Variants in MCHR2 observed in about 807,000 individuals in gnomAD.
MCHR2 encodes melanin-concentrating hormone receptor 2.
In MCHR2, 15 loss-of-function variants were observed where a neutral mutation model predicts 24.8. The observed-to-expected ratio is 0.60, with a 90% CI of 0.40 to 0.93. The LOEUF (loss-of-function observed/expected upper bound fraction) is 0.93, where lower values mean the gene tolerates loss of function less well. Ranked by LOEUF, MCHR2 falls within the 40% of genes least tolerant of loss-of-function variation. MCHR2 has a pLI of 0.00. For synonymous variants in MCHR2, 151 were observed against 147.6 expected (o/e 1.02, Z -0.17); for missense variants, 386 against 408.7 (o/e 0.94, Z 0.48).
chr6:99,964,649 C>T (rs2114556184), intron 1 of MCHR2, among the ~76,000 whole-genome samples: 1 of 152,182 alleles, frequency 6.6e-6, no homozygotes, highest in South Asian at 2.1e-4. Flanking sequence ...TTACTTCCAC[C>T]CTTGTTCTGG....
At chr6:99,926,453 A>C (rs1338667263) in intron 5 of MCHR2, among the ~76,000 whole-genome samples, 2 of 147,172 alleles carry the variant, frequency 1.4e-5, no homozygotes, top group East Asian at 3.9e-4. Context: ...TCCCACCAAC[A>C]GTGTAAAAGT....
At chr6:99,955,350 G>A (rs977779208) in intron 2 of MCHR2, among the ~76,000 whole-genome samples, 4 of 152,110 alleles carry the variant, frequency 2.6e-5, no homozygotes, top group Non-Finnish European at 5.9e-5. Context: ...AATTAGGTGG[G>A]AGATGTGGTG....
At chr6:99,991,003 G>T (rs11155193) in intron 1 of MCHR2, among the ~76,000 whole-genome samples, 1 of 150,294 alleles carries the variant, frequency 6.7e-6, no homozygotes, top group Admixed American at 6.7e-5. Flanking sequence ...AATAATGTTG[G>T]GATGGGACAG....
At chr6:99,987,594 C>A (rs529137014) in intron 1 of MCHR2, among the ~76,000 whole-genome samples, 1 of 152,224 alleles carries the variant, frequency 6.6e-6, no homozygotes, top group African/African-American at 2.4e-5. Flanking sequence ...ACACAACATT[C>A]CATGCTTTTT....
chr6:99,982,081 C>T (rs1253497959), intron 1 of MCHR2, among the ~76,000 whole-genome samples: 1 of 152,158 alleles, frequency 6.6e-6, no homozygotes, highest in Admixed American at 6.5e-5. Flanking sequence ...AAACCCCCCG[C>T]TCCCTACCTG....
chr6:99,984,919 T>C (rs942002208), intron 1 of MCHR2, among the ~76,000 whole-genome samples: 21 of 152,086 alleles, frequency 1.4e-4, no homozygotes, highest in Non-Finnish European at 2.1e-4. Flanking sequence ...ATCGTATGCC[T>C]AGAGAACCCT....
At chr6:99,936,113 G>A (rs1774655110) in intron 4 of MCHR2, among the ~76,000 whole-genome samples, 1 of 151,876 alleles carries the variant, frequency 6.6e-6, no homozygotes, top group Non-Finnish European at 1.5e-5. Flanking sequence ...CTTGTCAGAT[G>A]GATGGTTTGC....
chr6:99,987,895 A>T (rs1049117890), intron 1 of MCHR2, among the ~76,000 whole-genome samples: 3 of 152,218 alleles, frequency 2.0e-5, no homozygotes, highest in Non-Finnish European at 4.4e-5. Flanking sequence ...AAGAAAAGAA[A>T]AGGAAACAAG....
At chr6:99,964,417 A>G (rs1162913808) in intron 1 of MCHR2, among the ~76,000 whole-genome samples, 1 of 152,138 alleles carries the variant, frequency 6.6e-6, no homozygotes, top group African/African-American at 2.4e-5. Flanking sequence ...TTTATAAAGG[A>G]AAGAGGTTTA....
At chr6:99,953,061 T>C (rs1030248020) in intron 2 of MCHR2, among the ~76,000 whole-genome samples, 6 of 152,136 alleles carry the variant, frequency 3.9e-5, no homozygotes, top group African/African-American at 1.2e-4. Context: ...AAGTTACAGC[T>C]CAGAATTGAC....
At chr6:99,972,305 G>C (rs1036138584) in intron 1 of MCHR2, among the ~76,000 whole-genome samples, 378 of 152,144 alleles carry the variant, frequency 2.5e-3, no homozygotes, top group African/African-American at 8.2e-3. Context: ...TGTATGTGTC[G>C]AGGAATTTAT....
chr6:99,975,662 C>T (rs1278572202), intron 1 of MCHR2, among the ~76,000 whole-genome samples: 6 of 152,246 alleles, frequency 3.9e-5, no homozygotes, highest in African/African-American at 1.2e-4. Flanking sequence ...TCTTCTGCGT[C>T]GCTCACGCTG....
chr6:99,928,173 C>G (rs555551854), intron 5 of MCHR2, among the ~76,000 whole-genome samples: 1 of 152,160 alleles, frequency 6.6e-6, no homozygotes, highest in Non-Finnish European at 1.5e-5. Flanking sequence ...AGCCTTGCAT[C>G]CCAGGGATGA....
intron 5 of MCHR2, among the ~76,000 whole-genome samples, chr6:99,925,836 A>C (rs1774343414): frequency 6.8e-6 from 1 of 147,052 alleles, no homozygotes; most frequent in East Asian, 2.0e-4. Flanking sequence ...TTTATTTTTT[A>C]TTTTATTATT....
intron 1 of MCHR2, among the ~76,000 whole-genome samples, chr6:99,958,154 C>T (rs888548231): frequency 6.6e-6 from 1 of 151,894 alleles, no homozygotes; most frequent in Non-Finnish European, 1.5e-5. Flanking sequence ...GTCAAGGAAA[C>T]ATTAAAGAGA....
At chr6:99,980,871 C>T (rs1001197423) in intron 1 of MCHR2, among the ~76,000 whole-genome samples, 4 of 152,098 alleles carry the variant, frequency 2.6e-5, no homozygotes, top group Admixed American at 2.0e-4. Flanking sequence ...AAAGATATAT[C>T]CATTCAGACA....
intron 1 of MCHR2, among the ~76,000 whole-genome samples, chr6:99,965,938 G>A (rs910311842): frequency 6.6e-6 from 1 of 152,082 alleles, no homozygotes; most frequent in Admixed American, 6.6e-5. Context: ...TAAGATTTGG[G>A]AGTATAATCA....
rs1203470920 is a variant in MCHR2, at chr6:99,919,504, T to A, written c.*1436A>T. Among the ~76,000 whole-genome samples the A allele has an allele frequency of 6.6e-6, 1 of 152,152 alleles. No individual in the cohort carries two copies. The highest frequency in any genetic ancestry group is 1.9e-4 in the East Asian group (1 of 5,188). ...ATTTAATGTATTTAGATGAAGAAGG[T>A]GGGTTTACAGACTTTATCCACAAGC... On this transcript the variant is annotated 3_prime_UTR_variant, in exon 6 of 6. Transcript: ENST00000281806.
chr6:99,940,213 G>A lies in MCHR2; in HGVS notation c.587+2736C>T, dbSNP rs563222724. Reference sequence around the variant, plus strand: ...CTTGCTCAACTCCCTCTTGAACACCGATAAGTCTTAGATTTGGTCTTTTGA... The same window carrying A: ...CTTGCTCAACTCCCTCTTGAACACCAATAAGTCTTAGATTTGGTCTTTTGA... On this transcript the variant is annotated intron_variant, in intron 4 of 5. Transcript: ENST00000281806. Among the ~76,000 whole-genome samples the A allele has an allele frequency of 3.2e-4, 49 of 151,948 alleles. 1 individual carries two copies. The highest frequency in any genetic ancestry group is 2.2e-3 in the Admixed American group (33 of 15,246).
Sources: gnomAD v4.1 joint callset for allele counts (sites outside exome capture counted in the v4.1 genomes callset) on GRCh38, gnomAD v4.1.1 for gene constraint, MANE v1.5 for transcripts, NCBI Gene and HGNC (gene_info 2026-07-23, HGNC 2026-07-21) for gene names.